Variants in ATAD5 observed in about 807,000 individuals in gnomAD.
The protein encoded by ATAD5 is ATPase family AAA domain containing 5, also known as ATPase family AAA domain-containing protein 5.
A neutral mutation model predicts 176.9 loss-of-function variants in ATAD5; 58 were observed. The observed-to-expected ratio is 0.33, with a 90% confidence interval of 0.27 to 0.41. The LOEUF (loss-of-function observed/expected upper bound fraction) is 0.41, where lower values mean the gene tolerates loss of function less well. Ranked by LOEUF, ATAD5 falls within the 10% of genes least tolerant of loss-of-function variation. The pLI, the probability that ATAD5 is intolerant of heterozygous loss-of-function variation, is 1.00. For missense variants in ATAD5, 1,789 were observed against 2,094.1 expected, an observed-to-expected ratio of 0.85 and a Z score of 2.84; for synonymous variants, 640 against 712.6, an observed-to-expected ratio of 0.90 and a Z score of 1.62.
chr17:30,844,613 T>G (rs1211951990), intron 5 of ATAD5, among the ~76,000 whole-genome samples: 1 of 148,662 alleles, frequency 6.7e-6, no homozygotes, highest in Non-Finnish European at 1.5e-5. Context: ...CTGGGTGTGG[T>G]GGTAGGTACC....
chr17:30,868,153 C>T (rs1908109242), intron 11 of ATAD5, among the ~76,000 whole-genome samples, 180 bp from the exon 12 acceptor site: 1 of 152,112 alleles, frequency 6.6e-6, no homozygotes, highest in South Asian at 2.1e-4. Context: ...TGTTTAGAAA[C>T]TAACAATATG....
At chr17:30,865,464 G>A (rs1664943960) in intron 10 of ATAD5, among the ~76,000 whole-genome samples, 1 of 152,000 alleles carries the variant, frequency 6.6e-6, no homozygotes, top group Non-Finnish European at 1.5e-5. Context: ...GAACCACCGC[G>A]CCTGGCTAAC....
chr17:30,878,694 C>G (rs1475748739), intron 17 of ATAD5, among the ~76,000 whole-genome samples: 1 of 105,776 alleles, frequency 9.5e-6, no homozygotes, highest in African/African-American at 3.4e-5. Context: ...TGAGAAAAAT[C>G]TTATTAATCA....
At chr17:30,876,129 C>A (rs1189270220) in intron 14 of ATAD5, among the ~76,000 whole-genome samples, 1 of 151,398 alleles carries the variant, frequency 6.6e-6, no homozygotes, top group Non-Finnish European at 1.5e-5. Flanking sequence ...GGAGCGAGAC[C>A]CTGTCTCAAA....
rs769657815 is a variant in ATAD5, at chr17:30,855,231, A to C, written c.2539A>C (p.Lys847Gln). ...FLMSGLPDLL[K>Q]RQIAKKAAAL... is the part of the protein sequence containing the mutation. ...AATGAGTGGTTTGCCAGATTTGTTG[A>C]AACGGCAAATTGCAAAGAAAGCTGC... Residue 847 changes from lysine to glutamine, a missense_variant, in exon 7 of 23, where the codon AAA becomes CAA. Transcript: ENST00000321990. 1 of 1,614,150 alleles carries C rather than the reference A, an allele frequency of 6.2e-7. No homozygotes were observed.
intron 14 of ATAD5, among the ~76,000 whole-genome samples, 195 bp from the exon 15 acceptor site, chr17:30,876,177 GGC>G (rs1908662782): frequency 6.6e-6 from 1 of 151,794 alleles, no homozygotes; most frequent in African/African-American, 2.4e-5. Context: ...ATAAATGACT[GGC>G]TTAACCTTCT....
intron 16 of ATAD5, 43 bp from the exon 17 acceptor site, chr17:30,877,960 A>G (rs1252025054): frequency 1.5e-6 from 2 of 1,313,944 alleles, no homozygotes; most frequent in Non-Finnish European, 2.2e-6. Flanking sequence ...CATAACTGAT[A>G]TTAGTAAGTG....
intron 18 of ATAD5, among the ~76,000 whole-genome samples, chr17:30,881,911 C>CA (rs894608353): frequency 6.7e-6 from 1 of 149,074 alleles, no homozygotes; most frequent in African/African-American, 2.5e-5. Context: ...AGACCCTGTC[C>CA]CCCCCCCAAA....
chr17:30,865,167 A>C (rs1255213956), intron 10 of ATAD5, among the ~76,000 whole-genome samples: 3 of 146,496 alleles, frequency 2.0e-5, no homozygotes, highest in African/African-American at 5.0e-5. Flanking sequence ...TTAAGTGTGC[A>C]CTTTAATTTT....
chr17:30,839,335 G>A (rs1905944055), intron 3 of ATAD5, among the ~76,000 whole-genome samples: 1 of 150,954 alleles, frequency 6.6e-6, no homozygotes, highest in Non-Finnish European at 1.5e-5. Context: ...TGCCCAGGCT[G>A]GAGTGCAGTG....
intron 8 of ATAD5, 24 bp downstream of exon 8, chr17:30,857,136 T>G (rs767182341): frequency 1.3e-6 from 2 of 1,589,282 alleles, no homozygotes; most frequent in Non-Finnish European, 8.5e-7. Flanking sequence ...AGTTCATCCA[T>G]TGTAGAGTGT....
At chr17:30,836,934 A>ACATTCCAGAAATTGGAGCCCT (rs1283496210) in intron 2 of ATAD5, among the ~76,000 whole-genome samples, 1 of 152,134 alleles carries the variant, frequency 6.6e-6, no homozygotes, top group Non-Finnish European at 1.5e-5. Flanking sequence ...CTGTTTCAGA[A>ACATTCCAGAAATTGGAGCCCT]CATTCCAGAA....
At position 30,834,970 on chromosome 17, in the gene ATAD5, G is replaced by A. The variant is rs758365623; in HGVS notation, c.889G>A (p.Asp297Asn). 5 of 1,613,994 alleles carry A rather than the reference G, an allele frequency of 3.1e-6. No homozygotes were observed. The highest frequency in any genetic ancestry group is 1.1e-5 in the South Asian group (1 of 91,040). Reference sequence around the variant, plus strand: ...AATTTGTGTTCCTTCTGAAACTGTCGACGAAATAGTCAAAAGTGGTTATAT... The same window carrying A: ...AATTTGTGTTCCTTCTGAAACTGTCAACGAAATAGTCAAAAGTGGTTATAT... ...MSICVPSETV[D>N]EIVKSGYISE... Residue 297 changes from aspartate to asparagine, a missense_variant, in exon 2 of 23, where the codon GAC becomes AAC. Around this residue, in one of 6 missense-constraint regions of ATAD5, gnomAD observed 696 missense variants for 712.5 expected, o/e 0.98. Coordinates refer to ENST00000321990, the MANE Select transcript of ATAD5 (RefSeq NM_024857.5).
intron 15 of ATAD5, among the ~76,000 whole-genome samples, chr17:30,876,758 C>G (rs948172509): frequency 5.4e-5 from 7 of 129,660 alleles, no homozygotes; most frequent in African/African-American, 2.2e-4. Flanking sequence ...TATTGCCAGG[C>G]CAAGCTGGAG....
In ATAD5 at chr17:30,860,504, A is replaced by C. The variant is rs774097995; in HGVS notation, c.3028A>C (p.Arg1010=). Residue 1010 remains arginine (R), a synonymous_variant, in exon 10 of 23, where the codon AGA becomes CGA. Coordinates refer to ENST00000321990, the MANE Select transcript of ATAD5 (RefSeq NM_024857.5). ...AGAAGCAGAAAATTCTAAGTCAAAA[A>C]GAAAGAAACCAAATGAGTATTCAAA... The part of the protein sequence containing the change: ...LVEAENSKSK[R]KKPNEYSKNL... 5.6e-6 allele frequency: 9 copies of C among 1,601,366 alleles called. No homozygotes were observed. The highest frequency in any genetic ancestry group is 7.6e-6 in the Non-Finnish European group (9 of 1,177,494).
chr17:30,851,675 C>T (rs1233464983), intron 6 of ATAD5, among the ~76,000 whole-genome samples: 8 of 151,934 alleles, frequency 5.3e-5, no homozygotes, highest in African/African-American at 1.5e-4. Flanking sequence ...CTCCGCCTCC[C>T]GGGTTCAAGT....
At chr17:30,856,171 C>T (rs1398909342) in intron 7 of ATAD5, among the ~76,000 whole-genome samples, 4 of 152,208 alleles carry the variant, frequency 2.6e-5, no homozygotes, top group Non-Finnish European at 4.4e-5. Context: ...GGGAACCTCT[C>T]TCTCTTACAA....
chr17:30,869,893 G>T (rs931507777), intron 14 of ATAD5: 1 of 402,090 alleles, frequency 2.5e-6, no homozygotes, highest in African/African-American at 2.2e-5. Context: ...ATCGTAATCA[G>T]ACCCAACAGA....
In ATAD5 at chr17:30,838,889, CTTG is replaced by C. The variant is rs539458391; in HGVS notation, c.2076+1581_2076+1583del. Among the ~76,000 whole-genome samples, 500 of 152,340 alleles carry C rather than the reference CTTG, an allele frequency of 3.3e-3. 2 individuals carry two copies. The highest frequency in any genetic ancestry group is 0.012 in the African/African-American group (482 of 41,574). ...TCAATGGACTTCTTACCACAGGGCC[CTTG>C]TTGTTCACTGAAGACTTATCCAGCC... On this transcript the variant is annotated intron_variant, in intron 3 of 22. Transcript: ENST00000321990.
Sources: allele counts gnomAD v4.1 joint callset (sites outside exome capture counted in the v4.1 genomes callset), GRCh38; gene constraint gnomAD v4.1.1; regional missense constraint gnomAD v4.1.1; transcripts MANE v1.5; gene names NCBI Gene and HGNC (gene_info 2026-07-23, HGNC 2026-07-21).